The following DENND1B variants were observed in gnomAD, a reference collection of about 807,000 sequenced individuals.
DENND1B encodes DENN domain containing 1B.
DENND1B carries 59 observed loss-of-function variants against 90.1 expected under a neutral mutation model. The ratio of observed to expected loss-of-function variants is 0.65; its 90% CI spans 0.53 to 0.81. DENND1B has a LOEUF of 0.81. Ranked by LOEUF, DENND1B falls within the 40% of genes least tolerant of loss-of-function variation. The pLI is 0.00. For missense variants in DENND1B, 862 were observed against 912.6 expected (o/e 0.94, Z 0.71); for synonymous variants, 337 against 324.6 (o/e 1.04, Z -0.41).
At chr1:197,544,144 C>T (rs1037452535) in intron 18 of DENND1B, among the ~76,000 whole-genome samples, 1 of 152,042 alleles carries the variant, frequency 6.6e-6, no homozygotes, top group Non-Finnish European at 1.5e-5. Context: ...CCTACAGATA[C>T]AAAAATACGT....
intron 6 of DENND1B, among the ~76,000 whole-genome samples, chr1:197,657,343 A>G (rs1653947477): frequency 1.3e-5 from 2 of 152,172 alleles, no homozygotes; most frequent in Admixed American, 1.3e-4. Flanking sequence ...GTACTTCTCT[A>G]GAGACTTTTC....
intron 10 of DENND1B, among the ~76,000 whole-genome samples, chr1:197,620,980 G>C (rs1053372536): frequency 1.3e-5 from 2 of 151,312 alleles, no homozygotes; most frequent in Non-Finnish European, 3.0e-5. Context: ...TAACTGAAGG[G>C]AGAGAGTAAA....
At chr1:197,622,698 G>A (rs114114064) in intron 10 of DENND1B, among the ~76,000 whole-genome samples, 2,135 of 151,422 alleles carry the variant, frequency 0.014, 24 homozygotes, top group Non-Finnish European at 0.02. Context: ...AAAAGGATAA[G>A]ATCATTGATA....
chr1:197,514,368 A>G (rs1668252547), intron 20 of DENND1B, among the ~76,000 whole-genome samples: 1 of 151,580 alleles, frequency 6.6e-6, no homozygotes. Context: ...GCAAGTCATG[A>G]GGGTCTTTTT....
At chr1:197,652,058 A>C (rs1479225043) in intron 7 of DENND1B, among the ~76,000 whole-genome samples, 177 bp downstream of exon 7, 1 of 152,182 alleles carries the variant, frequency 6.6e-6, no homozygotes, top group Non-Finnish European at 1.5e-5. Context: ...TGAAGTTATG[A>C]TAGTTACAGC....
At chr1:197,523,303 T>C (rs1668904347) in intron 20 of DENND1B, among the ~76,000 whole-genome samples, 1 of 152,038 alleles carries the variant, frequency 6.6e-6, no homozygotes, top group Non-Finnish European at 1.5e-5. Flanking sequence ...GAATCCTATA[T>C]TGATACCAAG....
intron 20 of DENND1B, among the ~76,000 whole-genome samples, chr1:197,526,614 A>T (rs1170265900): frequency 6.6e-6 from 1 of 152,170 alleles, no homozygotes; most frequent in Admixed American, 6.5e-5. Context: ...CTGGCAATAA[A>T]TTTGAAGAGT....
At chr1:197,547,205 T>C (rs768552371) in intron 16 of DENND1B, among the ~76,000 whole-genome samples, 7 of 151,934 alleles carry the variant, frequency 4.6e-5, no homozygotes, top group Non-Finnish European at 8.8e-5. Context: ...GAGTTCAAGG[T>C]TGCAGTGTGC....
At chr1:197,694,963 G>T (rs554063461) in intron 3 of DENND1B, among the ~76,000 whole-genome samples, 4 of 151,330 alleles carry the variant, frequency 2.6e-5, no homozygotes, top group African/African-American at 9.6e-5. Context: ...GAGTCTGCTA[G>T]ATGAAATATT....
rs1654458296 is a variant in DENND1B at position 197,662,048 on chromosome 1, GCT to G, written c.297-3681_297-3680del. On this transcript the variant is annotated intron_variant, in intron 5 of 22. Coordinates refer to ENST00000620048, the MANE Select transcript of DENND1B (RefSeq NM_001195215.2). ...GTTTTTTACATGTCCAAGATAATAAGCTTTATTGAATTTCATCCTGGTACCAG... is the reference window on the plus strand; with the variant it reads ...GTTTTTTACATGTCCAAGATAATAAGTTATTGAATTTCATCCTGGTACCAG... Among the ~76,000 whole-genome samples, 7 of 151,892 alleles carry G rather than the reference GCT, an allele frequency of 4.6e-5. No homozygotes were observed. In the South Asian group the frequency reaches 1.5e-3, roughly 31 times the overall value.
intron 15 of DENND1B, among the ~76,000 whole-genome samples, chr1:197,556,866 T>A (rs1671762242): frequency 6.6e-6 from 1 of 152,014 alleles, no homozygotes; most frequent in Admixed American, 6.6e-5. Context: ...CCAATTTTTA[T>A]GAGCTTCCCA....
At chr1:197,669,901 C>A (rs577387529) in intron 5 of DENND1B, among the ~76,000 whole-genome samples, 1 of 152,110 alleles carries the variant, frequency 6.6e-6, no homozygotes, top group African/African-American at 2.4e-5. Flanking sequence ...TTATCTTTAT[C>A]TAATATAATC....
chr1:197,706,863 T>A (rs773900279), intron 3 of DENND1B, among the ~76,000 whole-genome samples: 54 of 152,268 alleles, frequency 3.5e-4, no homozygotes, highest in Middle Eastern at 6.8e-3. Flanking sequence ...TAAAAAATAG[T>A]ATGGAAGTTC....
At chr1:197,615,609 C>T (rs1409997335) in intron 11 of DENND1B, among the ~76,000 whole-genome samples, 3 of 150,774 alleles carry the variant, frequency 2.0e-5, no homozygotes, top group Admixed American at 6.6e-5. Flanking sequence ...ACATGTAGAT[C>T]AGTATGATTT....
At chr1:197,631,707 TAAG>T (rs1034459791) in intron 10 of DENND1B, among the ~76,000 whole-genome samples, 3 of 151,654 alleles carry the variant, frequency 2.0e-5, no homozygotes, top group Admixed American at 6.6e-5. Context: ...TGTAATTAAA[TAAG>T]AATAAACAAT....
intron 15 of DENND1B, among the ~76,000 whole-genome samples, chr1:197,569,945 A>T (rs1673008724): frequency 6.6e-6 from 1 of 152,150 alleles, no homozygotes; most frequent in South Asian, 2.1e-4. Context: ...CGCCACAAAA[A>T]ATGTTAATTA....
chr1:197,643,304 G>A (rs751332146), intron 9 of DENND1B, among the ~76,000 whole-genome samples: 2 of 151,898 alleles, frequency 1.3e-5, no homozygotes, highest in Non-Finnish European at 2.9e-5. Context: ...ACAGGTGCAC[G>A]CCACCACATC....
chr1:197,653,479 C>T (rs1653464465), intron 6 of DENND1B, among the ~76,000 whole-genome samples: 1 of 152,028 alleles, frequency 6.6e-6, no homozygotes, highest in Non-Finnish European at 1.5e-5. Flanking sequence ...TTTGCACTTT[C>T]TTACATTGAT....
chr1:197,671,154 ATTG>A (rs1655463910), intron 5 of DENND1B, among the ~76,000 whole-genome samples: 1 of 152,180 alleles, frequency 6.6e-6, no homozygotes, highest in African/African-American at 2.4e-5. Flanking sequence ...TATTTCATAA[ATTG>A]TTATTTCTTT....
Sources: gnomAD v4.1 joint callset for allele counts (sites outside exome capture counted in the v4.1 genomes callset) on GRCh38, gnomAD v4.1.1 for gene constraint, MANE v1.5 for transcripts, NCBI Gene and HGNC (gene_info 2026-07-23, HGNC 2026-07-21) for gene names.